Variants in PPP5C observed in about 807,000 individuals in gnomAD.
The protein encoded by PPP5C is protein phosphatase 5 catalytic subunit.
In PPP5C, 21 loss-of-function variants were observed where a neutral mutation model predicts 66.7. The observed-to-expected ratio is 0.31, with a 90% CI of 0.22 to 0.45. The LOEUF (loss-of-function observed/expected upper bound fraction) is 0.45. Ranked by LOEUF, PPP5C falls within the 20% of genes least tolerant of loss-of-function variation. PPP5C has a pLI of 1.00. For synonymous variants in PPP5C, 246 were observed against 257.4 expected (o/e 0.96, Z 0.43); for missense variants, 464 against 675.9 (o/e 0.69, Z 3.48).
At chr19:46,374,703 G>T (rs565212478) in intron 2 of PPP5C, among the ~76,000 whole-genome samples, 2 of 152,206 alleles carry the variant, frequency 1.3e-5, no homozygotes, top group South Asian at 2.1e-4. Context: ...AAGGGGGACC[G>T]TGAAGAGCAG....
intron 2 of PPP5C, among the ~76,000 whole-genome samples, chr19:46,372,609 A>C (rs1436192926): frequency 6.6e-6 from 1 of 152,162 alleles, no homozygotes; most frequent in African/African-American, 2.4e-5. Flanking sequence ...CTGTGTTACC[A>C]TTTCACCAGC....
intron 2 of PPP5C, among the ~76,000 whole-genome samples, chr19:46,357,345 G>T (rs1972304390): frequency 6.6e-6 from 1 of 152,168 alleles, no homozygotes; most frequent in Non-Finnish European, 1.5e-5. Flanking sequence ...ATGGCACCCG[G>T]CCCCAAAGTG....
Position 46,387,468 on chromosome 19 carries a change from G to T in PPP5C, c.1135+15G>T. On this transcript the variant is annotated intron_variant, in intron 9 of 12. Transcript: ENST00000012443. ...CCCAGATTCAGGTGAGCAGCGCGGG[G>T]CCAGGTGTCTCCAGCAGAAAGGGGC... 1 of 1,614,080 alleles carries T rather than the reference G, an allele frequency of 6.2e-7. No homozygotes were observed. The highest frequency in any genetic ancestry group is 8.5e-7 in the Non-Finnish European group (1 of 1,179,924).
rs1436318627 is a variant in PPP5C, at chr19:46,390,943, C to G, written c.*597C>G. On this transcript the variant is annotated 3_prime_UTR_variant, in exon 13 of 13. Coordinates refer to ENST00000012443, the MANE Select transcript of PPP5C (RefSeq NM_006247.4). ...GGAGGGTGGGGAGGCCGCAAAGTCC[C>G]GCTGGCCGGGCCCACCCAGCTCTGG... The G allele has an allele frequency of 1.7e-6, 2 of 1,176,986 alleles. No individual in the cohort carries two copies. Among genetic ancestry groups the G allele is most frequent in the Non-Finnish European group, 2.1e-6 (2 of 932,860 alleles). 72.9% of individuals were successfully genotyped at this position (1,176,986 alleles called of 1,614,324 possible).
At chr19:46,374,083 A>G (rs888858775) in intron 2 of PPP5C, among the ~76,000 whole-genome samples, 2 of 152,156 alleles carry the variant, frequency 1.3e-5, no homozygotes, top group African/African-American at 4.8e-5. Flanking sequence ...GCTGCCTGGC[A>G]CTGTCTTCCT....
At chr19:46,371,176 AC>A (rs1459172152) in intron 2 of PPP5C, among the ~76,000 whole-genome samples, 2 of 151,920 alleles carry the variant, frequency 1.3e-5, no homozygotes, top group Non-Finnish European at 2.9e-5. Context: ...TTGGGTGCAA[AC>A]CTAGGCCGGA....
chr19:46,355,970 G>A (rs1231238362), intron 2 of PPP5C, among the ~76,000 whole-genome samples: 1 of 152,082 alleles, frequency 6.6e-6, no homozygotes, highest in Non-Finnish European at 1.5e-5. Context: ...TCAAGTGTGG[G>A]GCTGCAAGAG....
intron 4 of PPP5C, chr19:46,381,456 GCA>G (rs1972789496): frequency 6.6e-6 from 1 of 152,148 alleles, no homozygotes; most frequent in Non-Finnish European, 1.5e-5. Flanking sequence ...TCAGAAAATG[GCA>G]CACTTAGGCT....
chr19:46,347,536 CAT>C (rs1457142991), intron 1 of PPP5C, among the ~76,000 whole-genome samples: 1 of 149,244 alleles, frequency 6.7e-6, no homozygotes, highest in Non-Finnish European at 1.5e-5. Context: ...CAGGCAGTGA[CAT>C]GTGGTGGGGG....
intron 2 of PPP5C, among the ~76,000 whole-genome samples, chr19:46,367,268 A>G (rs1972506895): frequency 6.6e-6 from 1 of 152,250 alleles, no homozygotes; most frequent in Non-Finnish European, 1.5e-5. Context: ...CCTTGGTGCT[A>G]GGACCATTAC....
At chr19:46,368,989 T>C (rs997863080) in intron 2 of PPP5C, among the ~76,000 whole-genome samples, 2 of 152,214 alleles carry the variant, frequency 1.3e-5, no homozygotes, top group African/African-American at 4.8e-5. Context: ...TGATGGCATT[T>C]TACTAATTGG....
chr19:46,352,396 C>T (rs1443380143), intron 1 of PPP5C, among the ~76,000 whole-genome samples: 1 of 152,212 alleles, frequency 6.6e-6, no homozygotes, highest in African/African-American at 2.4e-5. Context: ...TAGTAAGAGG[C>T]AGAGCTAGGG....
chr19:46,349,640 G>C (rs948410330), intron 1 of PPP5C, among the ~76,000 whole-genome samples: 2 of 152,076 alleles, frequency 1.3e-5, no homozygotes, highest in African/African-American at 4.8e-5. Flanking sequence ...TCAAGAGCGG[G>C]GTGCTGTGGT....
At chr19:46,360,332 C>G (rs1972361647) in intron 2 of PPP5C, among the ~76,000 whole-genome samples, 1 of 152,062 alleles carries the variant, frequency 6.6e-6, no homozygotes, top group African/African-American at 2.4e-5. Context: ...AGATCAGCAC[C>G]ATTTCCTACG....
chr19:46,362,305 A>G (rs554003205), intron 2 of PPP5C, among the ~76,000 whole-genome samples: 2 of 152,278 alleles, frequency 1.3e-5, no homozygotes, highest in South Asian at 2.1e-4. Flanking sequence ...TAATGGAACA[A>G]TTTTTCAATG....
chr19:46,388,666 G>A lies in PPP5C; in HGVS notation c.1290G>A (p.Lys430=), dbSNP rs777085362. The stretch of plus-strand genomic sequence containing the variant: ...ATATCATCCGCAGCCACGAAGTCAA[G>A]GCCGAGGGCTACGAGGTGGCTCACG... The part of the protein sequence containing the change: ...LDYIIRSHEV[K]AEGYEVAHGG... The change falls in exon 11 of 13, where the codon AAG becomes AAA. Residue 430 remains lysine, a synonymous_variant. Coordinates refer to ENST00000012443, the MANE Select transcript of PPP5C (RefSeq NM_006247.4). This position sits in a 1 kb window ranked among gnomAD's most constrained non-coding sequence, Gnocchi z 4.9. 3 of 1,614,192 alleles carry A rather than the reference G, an allele frequency of 1.9e-6. No individual in the cohort carries two copies. In the South Asian group the frequency reaches 3.3e-5, roughly 18 times the overall value.
Position 46,390,448 on chromosome 19 carries a change from AC to A in PPP5C, c.*107del. Reference sequence around the variant, plus strand: ...AGGCCCCGCCCCAGGGCAATGTTGGACCCCCTTTTACTTTGTAAAGTTTGTA... The same window carrying A: ...AGGCCCCGCCCCAGGGCAATGTTGGACCCCTTTTACTTTGTAAAGTTTGTA... On this transcript the variant is annotated 3_prime_UTR_variant, in exon 13 of 13. Coordinates refer to ENST00000012443, the MANE Select transcript of PPP5C (RefSeq NM_006247.4). 1.3e-6 allele frequency: 2 copies of A among 1,528,450 alleles called. No individual in the cohort carries two copies. The highest frequency in any genetic ancestry group is 2.0e-4 in the Middle Eastern group (1 of 4,908). The allele number at this position is 1,528,450 out of a possible 1,614,324, so 94.7% of individuals were successfully genotyped here.
intron 1 of PPP5C, among the ~76,000 whole-genome samples, chr19:46,348,214 G>T (rs1972118860): frequency 6.6e-6 from 1 of 151,954 alleles, no homozygotes; most frequent in African/African-American, 2.4e-5. Context: ...CTGGGGCTTT[G>T]GCTACTTAGG....
At position 46,390,410 on chromosome 19, in the gene PPP5C, C is replaced by A; in HGVS notation, c.*64C>A. On this transcript the variant is annotated 3_prime_UTR_variant, in exon 13 of 13. Coordinates refer to ENST00000012443, the MANE Select transcript of PPP5C (RefSeq NM_006247.4). Reference sequence around the variant, plus strand: ...AATCCCACCGGACCCAGGCCCTGGGCTAGGGGCAGAGCAGGCCCCGCCCCA... The same window carrying A: ...AATCCCACCGGACCCAGGCCCTGGGATAGGGGCAGAGCAGGCCCCGCCCCA... 6.5e-7 allele frequency: 1 copy of A among 1,549,452 alleles called. No individual in the cohort carries two copies. The highest frequency in any genetic ancestry group is 1.2e-5 in the South Asian group (1 of 84,022).
Sources: gnomAD v4.1 joint callset for allele counts (sites outside exome capture counted in the v4.1 genomes callset) on GRCh38, gnomAD v4.1.1 for gene constraint, Gnocchi (gnomAD v3.1) non-coding constraint, MANE v1.5 for transcripts, NCBI Gene and HGNC (gene_info 2026-07-23, HGNC 2026-07-21) for gene names.